NCEH1: variants seen among roughly 807,000 people sequenced by gnomAD.
NCEH1 encodes neutral cholesterol ester hydrolase 1.
A neutral mutation model predicts 25.4 loss-of-function variants in NCEH1; 9 were observed. That is an observed-to-expected ratio of 0.35 (90% confidence interval 0.21 to 0.62). The LOEUF is 0.62. Ranked by LOEUF, NCEH1 falls within the 20% of genes least tolerant of loss-of-function variation. The probability of loss-of-function intolerance (pLI) is 0.72; values close to 1 mark genes in which losing one functional copy is unlikely to be tolerated. For missense variants in NCEH1, 412 were observed against 501.1 expected, an observed-to-expected ratio of 0.82 and a Z score of 1.70; for synonymous variants, 200 against 199.8, an observed-to-expected ratio of 1.00 and a Z score of -0.01.
intron 1 of NCEH1, among the ~76,000 whole-genome samples, chr3:172,700,686 CT>C (rs1560209617): frequency 2.6e-5 from 4 of 152,080 alleles, no homozygotes. Flanking sequence ...GACAGTCTTA[CT>C]TTGTTGCCAA....
At chr3:172,694,974 C>T (rs1713277625) in intron 1 of NCEH1, among the ~76,000 whole-genome samples, 1 of 152,046 alleles carries the variant, frequency 6.6e-6, no homozygotes, top group African/African-American at 2.4e-5. Flanking sequence ...CCAGGAGGAC[C>T]AAGTGCTGTT....
At chr3:172,700,196 T>C (rs1191409747) in intron 1 of NCEH1, among the ~76,000 whole-genome samples, 2 of 152,206 alleles carry the variant, frequency 1.3e-5, no homozygotes, top group Admixed American at 1.3e-4. Flanking sequence ...GGCATTCTAT[T>C]TGAGAACCAT....
chr3:172,675,438 T>A (rs1442554925), intron 1 of NCEH1, among the ~76,000 whole-genome samples: 2 of 138,908 alleles, frequency 1.4e-5, no homozygotes, highest in South Asian at 2.4e-4. Context: ...TTTTAAAAAA[T>A]TTTACAAAAA....
chr3:172,701,449 C>CT (rs10701435), intron 1 of NCEH1, among the ~76,000 whole-genome samples: 2,821 of 110,940 alleles, frequency 0.025, 88 homozygotes, highest in Admixed American at 0.045. Flanking sequence ...GGTCTTTTGC[C>CT]TTTTTTTTTT....
chr3:172,710,761 C>T (rs1714254086), intron 1 of NCEH1, 86 bp downstream of exon 1: 2 of 1,497,676 alleles, frequency 1.3e-6, no homozygotes, highest in African/African-American at 1.4e-5. Context: ...CCTGCGTTTT[C>T]GTGGAACCCG....
rs1716590231 is a variant in NCEH1, at chr3:172,636,160, C to T, written c.438-73G>A. The T allele has an allele frequency of 4.1e-6, 4 of 980,290 alleles. No individual in the cohort carries two copies. The Admixed American group carries it at 6.4e-5, about 16-fold the overall frequency. 60.7% of individuals were successfully genotyped at this position (980,290 alleles called of 1,614,324 possible). A position where few individuals can be genotyped will look rare whatever the true frequency, so the allele number is the denominator to read the frequency against. On this transcript the variant is annotated intron_variant, in intron 3 of 4. Coordinates refer to ENST00000475381, the MANE Select transcript of NCEH1 (RefSeq NM_020792.6). Reference sequence around the variant, plus strand: ...GGGACATTTAAAGTTTAGATGGAAACTGGTTCTTTTAAATCTGGAAATAGA... The same window carrying T: ...GGGACATTTAAAGTTTAGATGGAAATTGGTTCTTTTAAATCTGGAAATAGA...
At chr3:172,656,426 G>T (rs1717698811) in intron 1 of NCEH1, among the ~76,000 whole-genome samples, 1 of 152,182 alleles carries the variant, frequency 6.6e-6, no homozygotes, top group Non-Finnish European at 1.5e-5. Flanking sequence ...TCTCTAAATA[G>T]AATTTGATTT....
In NCEH1 at chr3:172,679,244, C is replaced by A. The variant is rs112805837; in HGVS notation, c.139-31130G>T. On this transcript the variant is annotated intron_variant, in intron 1 of 4. Coordinates refer to ENST00000475381, the MANE Select transcript of NCEH1 (RefSeq NM_020792.6). Reference sequence around the variant, plus strand: ...GCTTGCTTGGACCACTATAAGCATGCCAGGGAAAATATTCAGGCTAAATTG... The same window carrying A: ...GCTTGCTTGGACCACTATAAGCATGACAGGGAAAATATTCAGGCTAAATTG... Among the ~76,000 whole-genome samples, 14 of 152,224 alleles carry A rather than the reference C, an allele frequency of 9.2e-5. 1 individual carries two copies. Among genetic ancestry groups the A allele is most frequent in the African/African-American group, 3.1e-4 (13 of 41,534 alleles).
chr3:172,676,961 G>A (rs1425404184), intron 1 of NCEH1, among the ~76,000 whole-genome samples: 4 of 152,006 alleles, frequency 2.6e-5, no homozygotes, highest in African/African-American at 7.2e-5. Context: ...TTTTTTTCCA[G>A]TGCCTCATGT....
chr3:172,700,447 T>C (rs1041964517), intron 1 of NCEH1, among the ~76,000 whole-genome samples: 1 of 152,198 alleles, frequency 6.6e-6, no homozygotes, highest in African/African-American at 2.4e-5. Context: ...AGGGAGGGCA[T>C]GAAACTAAGA....
chr3:172,633,123 C>A lies in NCEH1; in HGVS notation c.*352G>T. The A allele has an allele frequency of 4.1e-6, 1 of 245,630 alleles. No individual in the cohort carries two copies. The highest frequency in any genetic ancestry group is 6.0e-5 in the South Asian group (1 of 16,568). 15.2% of individuals were successfully genotyped at this position (245,630 alleles called of 1,614,324 possible). On this transcript the variant is annotated 3_prime_UTR_variant, in exon 5 of 5. Coordinates refer to ENST00000475381, the MANE Select transcript of NCEH1 (RefSeq NM_020792.6). ...TTAAAGGTCACTCTATGATCCAGAG[C>A]TGGAAGAACTGCTTCTAAAAAGAAC...
intron 1 of NCEH1, among the ~76,000 whole-genome samples, chr3:172,709,409 G>C (rs1163812185): frequency 1.3e-5 from 2 of 152,162 alleles, no homozygotes; most frequent in African/African-American, 2.4e-5. Flanking sequence ...AATTTCATGG[G>C]GGAGGAGAGG....
chr3:172,711,003 G>C lies in NCEH1; in HGVS notation c.-19C>G. On this transcript the variant is annotated 5_prime_UTR_variant, in exon 1 of 5. Coordinates refer to ENST00000475381, the MANE Select transcript of NCEH1 (RefSeq NM_020792.6). ...ACCTCATCTTGCCCTGGCTCGGCTC[G>C]CCAGCGGGCTGGCAAAGAGGAAAGG... 1 of 1,613,832 alleles carries C rather than the reference G, an allele frequency of 6.2e-7. No homozygotes were observed. Among genetic ancestry groups the C allele is most frequent in the Non-Finnish European group, 8.5e-7 (1 of 1,179,980 alleles).
chr3:172,670,947 CAT>C (rs1196722306), intron 1 of NCEH1, among the ~76,000 whole-genome samples: 1 of 152,142 alleles, frequency 6.6e-6, no homozygotes, highest in Non-Finnish European at 1.5e-5. Flanking sequence ...CAGAGAAATG[CAT>C]AGTCATATAA....
chr3:172,699,956 G>A (rs190799319), intron 1 of NCEH1, among the ~76,000 whole-genome samples: 1 of 152,146 alleles, frequency 6.6e-6, no homozygotes, highest in African/African-American at 2.4e-5. Flanking sequence ...TAAATTATAC[G>A]GCTACCTAAA....
chr3:172,658,942 CT>C (rs1313850342), intron 1 of NCEH1, among the ~76,000 whole-genome samples: 1 of 140,856 alleles, frequency 7.1e-6, no homozygotes, highest in Admixed American at 7.9e-5. Flanking sequence ...CTCCTATAGT[CT>C]ACAGGATATG....
chr3:172,641,225 C>A (rs1300788564), intron 3 of NCEH1, among the ~76,000 whole-genome samples: 1 of 118,020 alleles, frequency 8.5e-6, no homozygotes, highest in East Asian at 2.2e-4. Flanking sequence ...GATACATCTG[C>A]AAATCTTAGA....
At position 172,640,029 on chromosome 3, in the gene NCEH1, A is replaced by G. The variant is rs1446127833; in HGVS notation, c.438-3942T>C. 3.3e-5 allele frequency among the ~76,000 whole-genome samples: 5 copies of G among 152,224 alleles called. No individual in the cohort carries two copies. In the East Asian group the frequency reaches 9.6e-4, roughly 29 times the overall value. On this transcript the variant is annotated intron_variant, in intron 3 of 4. Transcript: ENST00000475381. ...TGCCCCCAAGCCCCGAATGACACCA[A>G]TGTGCTAAGAGGGTTGAAATGCGCA...
chr3:172,661,220 T>C (rs1307390553), intron 1 of NCEH1, among the ~76,000 whole-genome samples: 1 of 152,244 alleles, frequency 6.6e-6, no homozygotes, highest in Non-Finnish European at 1.5e-5. Flanking sequence ...GCACCATTTA[T>C]TAAATAGGGA....
Sources: allele counts gnomAD v4.1 joint callset (sites outside exome capture counted in the v4.1 genomes callset), GRCh38; gene constraint gnomAD v4.1.1; transcripts MANE v1.5; gene names NCBI Gene and HGNC (gene_info 2026-07-23, HGNC 2026-07-21).